Variants in SNCAIP observed in about 807,000 individuals in gnomAD.
SNCAIP encodes the protein synphilin-1.
In SNCAIP, 43 loss-of-function variants were observed where a neutral mutation model predicts 86.7. The ratio of observed to expected loss-of-function variants is 0.50; its 90% CI spans 0.39 to 0.64. The LOEUF (loss-of-function observed/expected upper bound fraction) is 0.64, where lower values mean the gene tolerates loss of function less well. Among genes scored for constraint, SNCAIP ranks in the 30% least tolerant of loss-of-function variants. SNCAIP has a pLI of 0.00. For missense variants in SNCAIP, 981 were observed against 1,103.1 expected, an observed-to-expected ratio of 0.89 and a Z score of 1.57; for synonymous variants, 417 against 427.2, an observed-to-expected ratio of 0.98 and a Z score of 0.29.
chr5:122,426,874 G>A (rs1459667070), intron 5 of SNCAIP, among the ~76,000 whole-genome samples: 4 of 152,186 alleles, frequency 2.6e-5, no homozygotes, highest in Non-Finnish European at 5.9e-5. Context: ...CAGGTACTGC[G>A]TTTGGTGGCT....
At chr5:122,321,221 A>AT (rs1752866020) in intron 1 of SNCAIP, 1 of 152,228 alleles carries the variant, frequency 6.6e-6, no homozygotes, top group Non-Finnish European at 1.5e-5. Context: ...AAATGGTAGC[A>AT]TTTCCATATG....
chr5:122,400,730 G>C lies in SNCAIP; in HGVS notation c.58-3063G>C, dbSNP rs79878888. ...ATGAATGGGGGACCCCCAAGTAAAG[G>C]AACAGAAAGTAAACAAAATTTTGGA... On this transcript the variant is annotated intron_variant, in intron 2 of 10. Transcript: ENST00000261368. Among the ~76,000 whole-genome samples the C allele has an allele frequency of 7.2e-3, 1,104 of 152,288 alleles. 29 individuals carry two copies. Among genetic ancestry groups the C allele is most frequent in the Admixed American group, 0.031 (471 of 15,290 alleles).
chr5:122,431,971 T>G lies in SNCAIP; in HGVS notation c.1185T>G (p.Asn395Lys). The G allele has an allele frequency of 1.3e-6, 2 of 1,492,180 alleles. No individual in the cohort carries two copies. Among genetic ancestry groups the G allele is most frequent in the Non-Finnish European group, 1.9e-6 (2 of 1,069,150 alleles). 92.4% of individuals were successfully genotyped at this position (1,492,180 alleles called of 1,614,324 possible). ...TCCCTTTCTTTTTTAAAACCTAGAA[T>G]GGTCAGTTGGAGTGCGTACGCTGGA... ...KLTPAGLAIK[N>K]GQLECVRWMV... is the part of the protein sequence containing the mutation. Residue 395 changes from asparagine to lysine, a missense_variant and splice_region_variant, in exon 6 of 11, where the codon AAT becomes AAG. By Grantham distance (94) the Asn-to-Lys change is moderately conservative. Transcript: ENST00000261368.
In SNCAIP at chr5:122,391,209, C is replaced by G. The variant is rs1436288948; in HGVS notation, c.57+18C>G. 1 of 1,556,828 alleles carries G rather than the reference C, an allele frequency of 6.4e-7. No individual in the cohort carries two copies. Among genetic ancestry groups the G allele is most frequent in the Non-Finnish European group, 8.9e-7 (1 of 1,127,962 alleles). Reference sequence around the variant, plus strand: ...ACATATCTGTAAGTACCACTGTATACAAGAAATGCTTTCAAGATAATCTGC... The same window carrying G: ...ACATATCTGTAAGTACCACTGTATAGAAGAAATGCTTTCAAGATAATCTGC... On this transcript the variant is annotated intron_variant, in intron 2 of 10. Transcript: ENST00000261368.
intron 2 of SNCAIP, chr5:122,401,116 C>T: frequency 6.5e-7 from 1 of 1,549,650 alleles, no homozygotes; most frequent in Non-Finnish European, 8.7e-7. Flanking sequence ...TGCCATTGTC[C>T]TGAGAATGAG....
chr5:122,441,030 A>G (rs1336115088), intron 7 of SNCAIP: 5 of 372,798 alleles, frequency 1.3e-5, no homozygotes, highest in African/African-American at 6.2e-5. Context: ...GCTGAGGACA[A>G]TAGACATTAA....
At chr5:122,365,414 C>T (rs1762981999) in intron 1 of SNCAIP, among the ~76,000 whole-genome samples, 1 of 152,198 alleles carries the variant, frequency 6.6e-6, no homozygotes, top group Non-Finnish European at 1.5e-5. Flanking sequence ...CGTGGTGGCT[C>T]ACACCTGTAA....
At chr5:122,416,250 A>G (rs1775289030) in intron 3 of SNCAIP, among the ~76,000 whole-genome samples, 1 of 152,202 alleles carries the variant, frequency 6.6e-6, no homozygotes, top group African/African-American at 2.4e-5. Context: ...GACACATTCA[A>G]CGACAGCTGC....
intron 1 of SNCAIP, among the ~76,000 whole-genome samples, chr5:122,316,473 A>G (rs969325205): frequency 1.3e-5 from 2 of 152,216 alleles, no homozygotes; most frequent in Non-Finnish European, 2.9e-5. Flanking sequence ...ATAGGGTGAC[A>G]AGACCAACAA....
At chr5:122,377,770 A>G (rs1561616300) in intron 1 of SNCAIP, among the ~76,000 whole-genome samples, 1 of 138,116 alleles carries the variant, frequency 7.2e-6, no homozygotes, top group Non-Finnish European at 1.5e-5. Flanking sequence ...ATTCCCACCT[A>G]TGAGTGAGAA....
intron 1 of SNCAIP, among the ~76,000 whole-genome samples, chr5:122,345,959 AT>A (rs1367202875): frequency 1.3e-5 from 2 of 151,834 alleles, no homozygotes; most frequent in Non-Finnish European, 2.9e-5. Flanking sequence ...AGCCTTCAGG[AT>A]TTTTTGGTAT....
chr5:122,440,515 C>T (rs1366608829), intron 6 of SNCAIP, 114 bp from the exon 7 acceptor site: 14 of 973,966 alleles, frequency 1.4e-5, no homozygotes, highest in Middle Eastern at 4.3e-4. Context: ...TCTCTTGCTA[C>T]GGTAAGCATG....
chr5:122,452,462 A>G (rs1306833772), intron 10 of SNCAIP, among the ~76,000 whole-genome samples: 1 of 152,196 alleles, frequency 6.6e-6, no homozygotes, highest in Non-Finnish European at 1.5e-5. Context: ...GTAATTTATC[A>G]TTAGCTATAA....
chr5:122,419,701 G>T (rs1776005652), intron 3 of SNCAIP, among the ~76,000 whole-genome samples: 1 of 152,112 alleles, frequency 6.6e-6, no homozygotes, highest in Non-Finnish European at 1.5e-5. Flanking sequence ...GACATGTAAA[G>T]AATTTATTCA....
chr5:122,408,210 C>T (rs541593344), intron 3 of SNCAIP, among the ~76,000 whole-genome samples: 3 of 152,174 alleles, frequency 2.0e-5, no homozygotes, highest in African/African-American at 7.2e-5. Flanking sequence ...GTGGTCTGCT[C>T]GGAAACCTGT....
At chr5:122,354,118 A>G (rs1042681007) in intron 1 of SNCAIP, among the ~76,000 whole-genome samples, 5 of 152,238 alleles carry the variant, frequency 3.3e-5, no homozygotes, top group African/African-American at 1.2e-4. Context: ...CTCACAGTTT[A>G]GAATTCAAGT....
chr5:122,443,646 C>A, intron 7 of SNCAIP: 1 of 456,866 alleles, frequency 2.2e-6, no homozygotes. Flanking sequence ...CTCCTATCCC[C>A]CTATCTCTTC....
intron 1 of SNCAIP, among the ~76,000 whole-genome samples, chr5:122,320,177 A>G (rs966031422): frequency 2.0e-5 from 3 of 152,208 alleles, no homozygotes; most frequent in African/African-American, 4.8e-5. Context: ...ACCTGTGACA[A>G]TGTTTTCACA....
intron 10 of SNCAIP, among the ~76,000 whole-genome samples, chr5:122,462,111 G>A (rs1438225629): frequency 1.3e-5 from 2 of 152,116 alleles, no homozygotes; most frequent in Non-Finnish European, 2.9e-5. Flanking sequence ...CACGTTGGAG[G>A]ACTTTATGTG....
Sources: allele counts gnomAD v4.1 joint callset (sites outside exome capture counted in the v4.1 genomes callset), GRCh38; gene constraint gnomAD v4.1.1; transcripts MANE v1.5; gene names NCBI Gene and HGNC (gene_info 2026-07-23, HGNC 2026-07-21).